Variants in KPTN observed in about 807,000 individuals in gnomAD.
KPTN encodes KICSTOR complex protein kaptin.
KPTN carries 36 observed loss-of-function variants against 52.6 expected under a neutral mutation model. The ratio of observed to expected loss-of-function variants is 0.68; its 90% CI spans 0.52 to 0.90. The LOEUF is 0.90. KPTN is among the 40% of genes least tolerant of loss of function. The pLI is 0.00. For synonymous variants in KPTN, 271 were observed against 248.4 expected (o/e 1.09, Z -0.85); for missense variants, 529 against 576.2 (o/e 0.92, Z 0.84).
At position 47,475,193 on chromosome 19, in the gene KPTN, C is replaced by G; in HGVS notation, c.*223G>C. On this transcript the variant is annotated 3_prime_UTR_variant, in exon 12 of 12. Transcript: ENST00000338134. ...ATAAATAACCATCAGGTGGCCAATT[C>G]TCATCCAGAGTGGACAGGGTGGAAT... is the stretch of plus-strand genomic sequence containing the variant. The G allele has an allele frequency of 2.2e-6, 1 of 449,896 alleles. No homozygotes were observed. Among genetic ancestry groups the G allele is most frequent in the South Asian group, 3.0e-5 (1 of 33,636 alleles). 27.9% of individuals were successfully genotyped at this position (449,896 alleles called of 1,614,324 possible).
chr19:47,479,948 G>C lies in KPTN; in HGVS notation c.710-8C>G. On this transcript the variant is annotated splice_region_variant and splice_polypyrimidine_tract_variant and intron_variant, in intron 7 of 11. Coordinates refer to ENST00000338134, the MANE Select transcript of KPTN (RefSeq NM_007059.4). The stretch of plus-strand genomic sequence containing the variant: ...ACCACATCTGCAGAACCTCTGCGTG[G>C]AGAGCGAGGATTCAGAGCCCCAACC... The C allele has an allele frequency of 1.2e-6, 2 of 1,607,968 alleles. No individual in the cohort carries two copies. Among genetic ancestry groups the C allele is most frequent in the South Asian group, 2.2e-5 (2 of 90,502 alleles).
At position 47,483,490 on chromosome 19, in the gene KPTN, G is replaced by GGCT. The variant is rs904938164; in HGVS notation, c.309+9_309+11dup. ...GAGGAGGGCGAAGGGAGGTGGAGGG[G>GGCT]GCTCTAGGTACCTTGATGAACGTGA... On this transcript the variant is annotated intron_variant, in intron 2 of 11. Coordinates refer to ENST00000338134, the MANE Select transcript of KPTN (RefSeq NM_007059.4). 6.3e-7 allele frequency: 1 copy of GGCT among 1,599,882 alleles called. No individual in the cohort carries two copies. The highest frequency in any genetic ancestry group is 8.5e-7 in the Non-Finnish European group (1 of 1,172,006).
chr19:47,476,692 C>A lies in KPTN; in HGVS notation c.1022G>T (p.Arg341Leu). 1 of 1,612,314 alleles carries A rather than the reference C, an allele frequency of 6.2e-7. No individual in the cohort carries two copies. The highest frequency in any genetic ancestry group is 1.1e-5 in the South Asian group (1 of 90,772). Reference sequence around the variant, plus strand: ...CTCAGGAAGCCCCGACTCTGGGCCCCGGTACTTATAACACAGCAGTTCCTG... The same window carrying A: ...CTCAGGAAGCCCCGACTCTGGGCCCAGGTACTTATAACACAGCAGTTCCTG... The part of the protein sequence containing the change: ...YGQELLCYKY[R>L]GPESGLPEAQ... The change falls in exon 11 of 12, where the codon CGG (arginine) becomes CTG (leucine). Residue 341 changes from arginine to leucine, a missense_variant. By Grantham distance (102) the Arg-to-Leu change is moderately radical. Transcript: ENST00000338134.
At chr19:47,484,706 ATTTTTTT>A (rs35425298), upstream of KPTN, among the ~76,000 whole-genome samples, 4 of 129,174 alleles carry the variant, frequency 3.1e-5, no homozygotes, top group African/African-American at 1.2e-4. Flanking sequence ...ACAGTTCACT[ATTTTTTT>A]TTTTTTTTTT....
At chr19:47,482,494 A>AG (rs1175835740) in intron 4 of KPTN, among the ~76,000 whole-genome samples, 28 of 149,754 alleles carry the variant, frequency 1.9e-4, no homozygotes, top group East Asian at 1.7e-3. Context: ...AAAAAAAAAA[A>AG]AGAAAGAAAA....
At position 47,480,749 on chromosome 19, in the gene KPTN, G is replaced by A. The variant is rs752865122; in HGVS notation, c.599+11C>T. The A allele has an allele frequency of 6.2e-7, 1 of 1,613,370 alleles. No individual in the cohort carries two copies. The highest frequency in any genetic ancestry group is 1.1e-5 in the South Asian group (1 of 91,062). On this transcript the variant is annotated intron_variant, in intron 6 of 11. Transcript: ENST00000338134. ...CCGGTCCCCAGTGGCCTCTTTCGGG[G>A]CCTCTCCTACCTACTGGTCAGGTTC...
intron 7 of KPTN, 35 bp downstream of exon 7, chr19:47,480,263 C>A: frequency 3.7e-5 from 26 of 700,952 alleles, no homozygotes; most frequent in Non-Finnish European, 5.8e-5. Flanking sequence ...TAGCCCTCAA[C>A]CCCACCCCTT....
chr19:47,479,950 G>C lies in KPTN; in HGVS notation c.710-10C>G, dbSNP rs760426689. On this transcript the variant is annotated splice_polypyrimidine_tract_variant and intron_variant, in intron 7 of 11. Transcript: ENST00000338134. The stretch of plus-strand genomic sequence containing the variant: ...CACATCTGCAGAACCTCTGCGTGGA[G>C]AGCGAGGATTCAGAGCCCCAACCCC... 1.2e-6 allele frequency: 2 copies of C among 1,609,312 alleles called. No homozygotes were observed. Among genetic ancestry groups the C allele is most frequent in the Non-Finnish European group, 1.7e-6 (2 of 1,177,924 alleles).
At chr19:47,476,007 C>CA (rs113284887) in intron 11 of KPTN, 3,834 of 82,984 alleles carry the variant, frequency 0.046, 163 homozygotes, top group African/African-American at 0.13. Flanking sequence ...ACAAAAAAAC[C>CA]AAAAAAAAAA....
chr19:47,480,042 C>T, intron 7 of KPTN, 102 bp from the exon 8 acceptor site: 1 of 820,010 alleles, frequency 1.2e-6, no homozygotes, highest in South Asian at 1.6e-5. Flanking sequence ...CCCACCCTAG[C>T]CCCGCCCCTC....
At chr19:47,484,926 C>T (rs955442217), upstream of KPTN, among the ~76,000 whole-genome samples, 3 of 152,098 alleles carry the variant, frequency 2.0e-5, no homozygotes, top group Admixed American at 2.0e-4. Context: ...TCTGGACCTC[C>T]TGACCTCAGG....
At position 47,481,045 on chromosome 19, in the gene KPTN, GA is replaced by G. The variant is rs753718147; in HGVS notation, c.450-13del. ...CCCCGACCTGGACCCTGAAAGCAGA[GA>G]AATCTAGAACCCAAGGTAGTGGAAT... On this transcript the variant is annotated splice_polypyrimidine_tract_variant and intron_variant, in intron 4 of 11. Transcript: ENST00000338134. 10 of 1,568,362 alleles carry G rather than the reference GA, an allele frequency of 6.4e-6. No homozygotes were observed. In the South Asian group the frequency reaches 1.0e-4, roughly 16 times the overall value.
At chr19:47,484,572 G>C (rs8105089), upstream of KPTN, 2,178 of 195,938 alleles carry the variant, frequency 0.011, 44 homozygotes, top group African/African-American at 0.048. Flanking sequence ...CAAGGGGGTG[G>C]AGGTAGGTAC....
At chr19:47,484,700 T>C (rs898338636), upstream of KPTN, among the ~76,000 whole-genome samples, 185 of 149,606 alleles carry the variant, frequency 1.2e-3, no homozygotes, top group Middle Eastern at 3.4e-3. Context: ...AACTCCACAG[T>C]TCACTATTTT....
chr19:47,476,404 G>A (rs1599867809), intron 11 of KPTN, 128 bp downstream of exon 11: 1 of 544,126 alleles, frequency 1.8e-6, no homozygotes, highest in African/African-American at 3.0e-5. Flanking sequence ...CCTTTCTCCT[G>A]GGAGTTGTCC....
Position 47,476,718 on chromosome 19 carries a change from C to CG in KPTN, c.1000-5dup. The CG allele has an allele frequency of 1.2e-6, 2 of 1,609,704 alleles. No individual in the cohort carries two copies. Among genetic ancestry groups the CG allele is most frequent in the Non-Finnish European group, 1.7e-6 (2 of 1,177,854 alleles). On this transcript the variant is annotated splice_polypyrimidine_tract_variant and splice_region_variant and intron_variant, in intron 10 of 11. Coordinates refer to ENST00000338134, the MANE Select transcript of KPTN (RefSeq NM_007059.4). Reference sequence around the variant, plus strand: ...GGTACTTATAACACAGCAGTTCCTGCGGGGGTGAAGAATCAGGTCACACAG... The same window carrying CG: ...GGTACTTATAACACAGCAGTTCCTGCGGGGGGTGAAGAATCAGGTCACACAG...
At position 47,476,813 on chromosome 19, in the gene KPTN, G is replaced by A. The variant is rs538071639; in HGVS notation, c.989C>T (p.Thr330Ile). The A allele has an allele frequency of 6.3e-7, 1 of 1,588,224 alleles. No individual in the cohort carries two copies. The highest frequency in any genetic ancestry group is 1.8e-5 in the Admixed American group (1 of 55,638). Residue 330 changes from threonine to isoleucine, a missense_variant, in exon 10 of 12, where the codon ACC becomes ATC. Physicochemically the swap from Thr to Ile is moderately conservative, Grantham distance 89. Coordinates refer to ENST00000338134, the MANE Select transcript of KPTN (RefSeq NM_007059.4). Reference protein sequence around the residue: ...LDGRPEVLVATYGQELLCYKY... With the variant: ...LDGRPEVLVAIYGQELLCYKY... ...ACTGTCAGGTCCCACCTGTCCATAG[G>A]TGGCCACCAGGACTTCTGGCCGCCC...
At chr19:47,480,239 C>G (rs1967826412) in intron 7 of KPTN, 59 bp downstream of exon 7, 1 of 1,047,358 alleles carries the variant, frequency 9.5e-7, no homozygotes, top group African/African-American at 1.7e-5. Flanking sequence ...CAGCCCCACC[C>G]TGGCCCCGCC....
In KPTN at chr19:47,476,822, A is replaced by T; in HGVS notation, c.980T>A (p.Leu327Gln). The change falls in exon 10 of 12, where the codon CTG becomes CAG. Residue 327 changes from leucine to glutamine, a missense_variant. Coordinates refer to ENST00000338134, the MANE Select transcript of KPTN (RefSeq NM_007059.4). The part of the protein sequence containing the change: ...DVDLDGRPEV[L>Q]VATYGQELLC... The stretch of plus-strand genomic sequence containing the variant: ...TCCCACCTGTCCATAGGTGGCCACC[A>T]GGACTTCTGGCCGCCCATCCAAATC... 1.3e-6 allele frequency: 2 copies of T among 1,586,196 alleles called. No homozygotes were observed. The highest frequency in any genetic ancestry group is 1.7e-6 in the Non-Finnish European group (2 of 1,166,058).
Sources: gnomAD v4.1 joint callset for allele counts (sites outside exome capture counted in the v4.1 genomes callset) on GRCh38, gnomAD v4.1.1 for gene constraint, MANE v1.5 for transcripts, NCBI Gene and HGNC (gene_info 2026-07-23, HGNC 2026-07-21) for gene names.